Variants in ZNF106 observed in about 807,000 individuals in gnomAD.
ZNF106 encodes the protein SH3-domain binding protein 3.
A neutral mutation model predicts 195.1 loss-of-function variants in ZNF106; 67 were observed. That is an observed-to-expected ratio of 0.34 (90% confidence interval 0.28 to 0.42). The LOEUF (loss-of-function observed/expected upper bound fraction) is 0.42. ZNF106 is among the 10% of genes least tolerant of loss of function. The pLI, the probability that ZNF106 is intolerant of heterozygous loss-of-function variation, is 1.00. For missense variants in ZNF106, 2,118 were observed against 2,304.5 expected (o/e 0.92, Z 1.66); for synonymous variants, 784 against 818.6 (o/e 0.96, Z 0.72).
intron 14 of ZNF106, among the ~76,000 whole-genome samples, chr15:42,429,502 G>A (rs1424991554): frequency 6.6e-6 from 1 of 151,714 alleles, no homozygotes; most frequent in East Asian, 1.9e-4. Flanking sequence ...TTTTTAAGTG[G>A]GCTTGGCTGT....
At chr15:42,452,514 C>G (rs1186168650) in intron 4 of ZNF106, among the ~76,000 whole-genome samples, 1 of 151,418 alleles carries the variant, frequency 6.6e-6, no homozygotes, top group Admixed American at 6.6e-5. Context: ...CACAGTGAGA[C>G]TCTCTCAAAA....
At chr15:42,465,997 T>A (rs2056507405) in intron 3 of ZNF106, 56 bp downstream of exon 3, 1 of 1,395,382 alleles carries the variant, frequency 7.2e-7, no homozygotes, top group Non-Finnish European at 9.7e-7. Flanking sequence ...ACAGGCACCA[T>A]CATCACTCAG....
intron 12 of ZNF106, among the ~76,000 whole-genome samples, chr15:42,437,902 CAAAAA>C (rs35756160): frequency 1.2e-5 from 1 of 81,074 alleles, no homozygotes. Context: ...GACTCCGTCT[CAAAAA>C]AAAAAAAAAA....
intron 20 of ZNF106, among the ~76,000 whole-genome samples, chr15:42,418,532 ATTTTTTT>A (rs1162999546): frequency 2.6e-4 from 25 of 96,246 alleles, no homozygotes; most frequent in Non-Finnish European, 3.4e-4. Context: ...CGGCCAGTTA[ATTTTTTT>A]TTTTTTTTTT....
rs150588296 is a variant in ZNF106 at position 42,450,146 on chromosome 15, T to C, written c.2126A>G (p.His709Arg). 186 of 1,610,988 alleles carry C rather than the reference T, an allele frequency of 1.2e-4. No individual in the cohort carries two copies. The highest frequency in any genetic ancestry group is 1.2e-4 in the Non-Finnish European group (146 of 1,177,270). ...AAAGCCTTCTGTTTCATAAGATACATGAGATTTAATAGAGTCATCAACCTG... is the reference window on the plus strand; with the variant it reads ...AAAGCCTTCTGTTTCATAAGATACACGAGATTTAATAGAGTCATCAACCTG... ...DAQVDDSIKS[H>R]VSYETEGFES... The change falls in exon 5 of 22, where the codon CAT (histidine) becomes CGT (arginine). Residue 709 changes from histidine to arginine, a missense_variant. By Grantham distance (29) the His-to-Arg change is conservative. Coordinates refer to ENST00000564754, the MANE Select transcript of ZNF106 (RefSeq NM_001366845.3).
chr15:42,470,005 G>A (rs1023844896), intron 2 of ZNF106, among the ~76,000 whole-genome samples: 1 of 152,032 alleles, frequency 6.6e-6, no homozygotes, highest in Non-Finnish European at 1.5e-5. Context: ...ATTTTTAAAG[G>A]CTGGGTTGGT....
In ZNF106 at chr15:42,433,773, T is replaced by C. The variant is rs180919982; in HGVS notation, c.4881+1611A>G. On this transcript the variant is annotated intron_variant, in intron 14 of 21. Coordinates refer to ENST00000564754, the MANE Select transcript of ZNF106 (RefSeq NM_001366845.3). The stretch of plus-strand genomic sequence containing the variant: ...TACTCTAGGGCAGTATTTCTCAAAG[T>C]GCGGTCCCCAAACCATCTGCATCAG... Among the ~76,000 whole-genome samples, 4 of 152,290 alleles carry C rather than the reference T, an allele frequency of 2.6e-5. No homozygotes were observed. In the East Asian group the frequency reaches 7.7e-4, roughly 29 times the overall value.
chr15:42,450,632 T>C lies in ZNF106; in HGVS notation c.1640A>G (p.Gln547Arg). 6.2e-7 allele frequency: 1 copy of C among 1,614,206 alleles called. No homozygotes were observed. Among genetic ancestry groups the C allele is most frequent in the Non-Finnish European group, 8.5e-7 (1 of 1,180,034 alleles). The part of the protein sequence containing the change: ...LKGNKSTFGS[Q>R]KQSGDNLNDT... The stretch of plus-strand genomic sequence containing the variant: ...ATTTAAATTATCACCAGATTGCTTT[T>C]GAGAGCCAAATGTACTTTTATTCCC... The change falls in exon 5 of 22, where the codon CAA becomes CGA. Residue 547 changes from glutamine (Q) to arginine (R), a missense_variant. Coordinates refer to ENST00000564754, the MANE Select transcript of ZNF106 (RefSeq NM_001366845.3).
At position 42,413,614 on chromosome 15, in the gene ZNF106, G is replaced by A. The variant is rs2054342696; in HGVS notation, c.*3690C>T. Reference sequence around the variant, plus strand: ...ATCATCCACATGCCTCATCACTAAAGTTGTCCCTTGTATAATCTACCAGCA... The same window carrying A: ...ATCATCCACATGCCTCATCACTAAAATTGTCCCTTGTATAATCTACCAGCA... On this transcript the variant is annotated 3_prime_UTR_variant, in exon 22 of 22. Transcript: ENST00000564754. 6.6e-6 allele frequency: 1 copy of A among 152,558 alleles called. No homozygotes were observed. Among genetic ancestry groups the A allele is most frequent in the South Asian group, 2.1e-4 (1 of 4,822 alleles). 9.5% of individuals were successfully genotyped at this position (152,558 alleles called of 1,614,324 possible). A position where few individuals can be genotyped will look rare whatever the true frequency, so the allele number is the denominator to read the frequency against.
intron 14 of ZNF106, among the ~76,000 whole-genome samples, chr15:42,434,098 T>C (rs768331465): frequency 6.6e-6 from 1 of 152,108 alleles, no homozygotes. Flanking sequence ...CCTCCTGCTC[T>C]GGCCTCCCAA....
intron 3 of ZNF106, among the ~76,000 whole-genome samples, chr15:42,460,919 T>A (rs1436962971): frequency 6.6e-6 from 1 of 151,962 alleles, no homozygotes; most frequent in African/African-American, 2.4e-5. Flanking sequence ...TCCCTAACAT[T>A]TTTCTTATAA....
In ZNF106 at chr15:42,424,831, T is replaced by C. The variant is rs1455881006; in HGVS notation, c.5190+3A>G. 2 of 1,613,688 alleles carry C rather than the reference T, an allele frequency of 1.2e-6. No homozygotes were observed. Among genetic ancestry groups the C allele is most frequent in the Non-Finnish European group, 1.7e-6 (2 of 1,179,872 alleles). ...AACTCCGATTCTCTTGCACTGTACT[T>C]GCCTTCATGCAAAGAATGGTTTTGC... On this transcript the variant is annotated splice_donor_region_variant and intron_variant, in intron 16 of 21. Coordinates refer to ENST00000564754, the MANE Select transcript of ZNF106 (RefSeq NM_001366845.3).
At chr15:42,425,150 G>T in intron 15 of ZNF106, 125 bp from the exon 16 acceptor site, 1 of 881,976 alleles carries the variant, frequency 1.1e-6, no homozygotes, top group Non-Finnish European at 1.7e-6. Flanking sequence ...CCACTCTGCA[G>T]CCTTAACTTA....
At position 42,435,453 on chromosome 15, in the gene ZNF106, C is replaced by T. The variant is rs777617090; in HGVS notation, c.4812G>A (p.Gln1604=). The part of the protein sequence containing the change: ...TSKVNCLLVT[Q]TSGKNAALYT... ...AAAGGGCAGCATTCTTCCCGGAGGT[C>T]TGAGTAACCAGGAGGCAGTTAACTT... Residue 1604 remains glutamine, a synonymous_variant, in exon 14 of 22, where the codon CAG becomes CAA. Transcript: ENST00000564754. The T allele has an allele frequency of 2.5e-6, 4 of 1,614,136 alleles. No homozygotes were observed. Among genetic ancestry groups the T allele is most frequent in the Non-Finnish European group, 2.5e-6 (3 of 1,180,022 alleles).
In ZNF106 at chr15:42,439,615, G is replaced by A; in HGVS notation, c.3962C>T (p.Thr1321Ile). The change falls in exon 11 of 22, where the codon ACC becomes ATC. Residue 1321 changes from threonine (T) to isoleucine (I), a missense_variant. Coordinates refer to ENST00000564754, the MANE Select transcript of ZNF106 (RefSeq NM_001366845.3). ...GGCTTCAGACCCACTATTGCCTTTG[G>A]TTGGCTCTTCCCCTTCTTTATTTAT... ...SSINKEGEEP[T>I]KGNSGSEACT... is the part of the protein sequence containing the mutation. 2 of 1,613,918 alleles carry A rather than the reference G, an allele frequency of 1.2e-6. No individual in the cohort carries two copies. The highest frequency in any genetic ancestry group is 1.7e-5 in the Admixed American group (1 of 59,974).
chr15:42,429,050 G>C (rs1216817301), intron 14 of ZNF106, among the ~76,000 whole-genome samples: 1 of 151,596 alleles, frequency 6.6e-6, no homozygotes, highest in East Asian at 2.0e-4. Context: ...ACTGTGCCCG[G>C]CCAGAAAACG....
At chr15:42,487,567 TC>T (rs1176300675) in intron 1 of ZNF106, among the ~76,000 whole-genome samples, 1 of 149,534 alleles carries the variant, frequency 6.7e-6, no homozygotes, top group East Asian at 2.0e-4. Context: ...CACCGCCACT[TC>T]CAGTCAGCCA....
intron 2 of ZNF106, among the ~76,000 whole-genome samples, chr15:42,467,367 T>C (rs2056544541): frequency 6.6e-6 from 1 of 152,244 alleles, no homozygotes; most frequent in Non-Finnish European, 1.5e-5. Context: ...AACTGCAAAA[T>C]ACTGCCGAGG....
At chr15:42,484,292 CAATT>C (rs1349490632) in intron 1 of ZNF106, among the ~76,000 whole-genome samples, 11 of 152,206 alleles carry the variant, frequency 7.2e-5, no homozygotes, top group Non-Finnish European at 1.2e-4. Context: ...CTTCAAATAT[CAATT>C]AATGTGCTAA....
Sources: gnomAD v4.1 joint callset for allele counts (sites outside exome capture counted in the v4.1 genomes callset) on GRCh38, gnomAD v4.1.1 for gene constraint, MANE v1.5 for transcripts, NCBI Gene and HGNC (gene_info 2026-07-23, HGNC 2026-07-21) for gene names.